NTAQ1: variants seen among roughly 807,000 people sequenced by gnomAD.
NTAQ1 encodes N-terminal glutamine amidase 1.
NTAQ1 carries 21 observed loss-of-function variants against 28.2 expected under a neutral mutation model. The ratio of observed to expected loss-of-function variants is 0.74; its 90% CI spans 0.53 to 1.07. The LOEUF (loss-of-function observed/expected upper bound fraction) is 1.07. NTAQ1 is among the 50% of genes least tolerant of loss of function. NTAQ1 has a pLI of 0.00. For synonymous variants in NTAQ1, 105 were observed against 90.0 expected, an observed-to-expected ratio of 1.17 and a Z score of -0.94; for missense variants, 264 against 256.6, an observed-to-expected ratio of 1.03 and a Z score of -0.20.
Position 123,464,083 on chromosome 8 carries a change from T to C in NTAQ1, c.373-2996T>C, listed in dbSNP as rs537250462. Among the ~76,000 whole-genome samples the C allele has an allele frequency of 3.9e-5, 6 of 152,316 alleles. No individual in the cohort carries two copies. In the East Asian group the frequency reaches 1.2e-3, roughly 29 times the overall value. On this transcript the variant is annotated intron_variant, in intron 6 of 6. Coordinates refer to the NTAQ1 transcript ENST00000650311. Reference sequence around the variant, plus strand: ...TTCCACCATGATTGTGAGGCCTCCCTAGCCATGTGGAACTGTGAATCCATT... The same window carrying C: ...TTCCACCATGATTGTGAGGCCTCCCCAGCCATGTGGAACTGTGAATCCATT...
chr8:123,458,584 T>A (rs1815722846), intron 6 of NTAQ1, among the ~76,000 whole-genome samples: 3 of 151,802 alleles, frequency 2.0e-5, no homozygotes, highest in African/African-American at 7.3e-5. Flanking sequence ...AAAACCTTTT[T>A]AGCAGATGTG....
At chr8:123,455,602 T>G (rs1415227650) in intron 6 of NTAQ1, among the ~76,000 whole-genome samples, 2 of 151,830 alleles carry the variant, frequency 1.3e-5, no homozygotes, top group Admixed American at 1.3e-4. Context: ...TTTTTGTAAT[T>G]TTAGTAGAAA....
chr8:123,463,088 CTT>C (rs1401098343), intron 6 of NTAQ1, among the ~76,000 whole-genome samples: 2 of 152,164 alleles, frequency 1.3e-5, no homozygotes, highest in Non-Finnish European at 2.9e-5. Flanking sequence ...GGGAAGAACA[CTT>C]TTTCTTTCTC....
intron 1 of NTAQ1, among the ~76,000 whole-genome samples, chr8:123,426,863 G>A (rs1478543205): frequency 6.6e-6 from 1 of 152,116 alleles, no homozygotes; most frequent in Non-Finnish European, 1.5e-5. Context: ...AGGAGGCTGA[G>A]GCATGACAAT....
At chr8:123,435,840 C>T (rs1245236569) in intron 3 of NTAQ1, among the ~76,000 whole-genome samples, 1 of 150,586 alleles carries the variant, frequency 6.6e-6, no homozygotes, top group Non-Finnish European at 1.5e-5. Flanking sequence ...GCACGCCAGC[C>T]TGGGTGATAG....
chr8:123,418,127 A>G (rs1030132938), intron 1 of NTAQ1, among the ~76,000 whole-genome samples: 2 of 152,116 alleles, frequency 1.3e-5, no homozygotes, highest in Non-Finnish European at 2.9e-5. Flanking sequence ...AAATTCCCTC[A>G]TGGATCCCTT....
chr8:123,437,259 G>T lies in NTAQ1; in HGVS notation c.433G>T (p.Asp145Tyr). The change falls in exon 5 of 6, where the codon GAC (aspartate) becomes TAC (tyrosine). Residue 145 changes from aspartate (D) to tyrosine (Y), a missense_variant. By Grantham distance (160) the Asp-to-Tyr change is radical (BLOSUM62 -3). Coordinates refer to ENST00000287387, the MANE Select transcript of NTAQ1 (RefSeq NM_018024.3). The part of the protein sequence containing the change: ...ADSYLKNFAS[D>Y]RSHMKDSSGN... ...TTCATATTTGAAGAACTTTGCTTCT[G>T]ACCGATCTCACATGAAAGACTCCAG... is the stretch of plus-strand genomic sequence containing the variant. 6.2e-7 allele frequency: 1 copy of T among 1,614,134 alleles called. No homozygotes were observed. Among genetic ancestry groups the T allele is most frequent in the Non-Finnish European group, 8.5e-7 (1 of 1,180,028 alleles).
downstream of NTAQ1, among the ~76,000 whole-genome samples, chr8:123,445,908 A>C (rs1815262106): frequency 6.6e-6 from 1 of 151,228 alleles, no homozygotes; most frequent in Non-Finnish European, 1.5e-5. Flanking sequence ...ACCCACCCCC[A>C]AGATGAATTT....
intron 6 of NTAQ1, among the ~76,000 whole-genome samples, chr8:123,458,646 G>T (rs543287662): frequency 6.6e-6 from 1 of 150,902 alleles, no homozygotes; most frequent in Admixed American, 6.6e-5. Flanking sequence ...TTTTGAATCG[G>T]AGTCTCGTTC....
chr8:123,454,895 G>A (rs1023765673), intron 6 of NTAQ1: 1 of 152,360 alleles, frequency 6.6e-6, no homozygotes, highest in African/African-American at 2.4e-5. Flanking sequence ...CAGAAGCAAT[G>A]TGGGTGTCTG....
intron 3 of NTAQ1, 79 bp downstream of exon 3, chr8:123,430,112 A>T: frequency 9.1e-7 from 1 of 1,101,936 alleles, no homozygotes; most frequent in Admixed American, 2.0e-5. Flanking sequence ...GGTAAAGCAG[A>T]AGTGACCTAA....
intron 1 of NTAQ1, among the ~76,000 whole-genome samples, chr8:123,419,739 C>T (rs980338888): frequency 2.1e-5 from 2 of 97,048 alleles, no homozygotes; most frequent in African/African-American, 7.4e-5. Flanking sequence ...CACAGCCCTC[C>T]CTCCCTCCCT....
chr8:123,419,175 T>C (rs2130120653), intron 1 of NTAQ1, among the ~76,000 whole-genome samples: 1 of 141,582 alleles, frequency 7.1e-6, no homozygotes, highest in Admixed American at 7.7e-5. Flanking sequence ...CTTGGCTCAC[T>C]GCAGCCTCCA....
chr8:123,442,950 G>A (rs567114429), downstream of NTAQ1, among the ~76,000 whole-genome samples: 7 of 152,182 alleles, frequency 4.6e-5, no homozygotes, highest in South Asian at 1.5e-3. Context: ...TTACAGGCAT[G>A]AGCCACCGCG....
chr8:123,425,099 AT>A (rs967637083), intron 1 of NTAQ1, among the ~76,000 whole-genome samples: 12 of 148,564 alleles, frequency 8.1e-5, no homozygotes, highest in East Asian at 2.0e-4. Context: ...AGTCAATAAA[AT>A]TTTTTTTTTT....
chr8:123,438,677 A>AG (rs1368778819), intron 5 of NTAQ1, among the ~76,000 whole-genome samples: 1 of 151,712 alleles, frequency 6.6e-6, no homozygotes, highest in African/African-American at 2.4e-5. Flanking sequence ...CATCTCAAAA[A>AG]AAAAAAAAGA....
chr8:123,454,558 C>T (rs999688457), intron 6 of NTAQ1, among the ~76,000 whole-genome samples: 1 of 152,024 alleles, frequency 6.6e-6, no homozygotes, highest in East Asian at 1.9e-4. Flanking sequence ...TTAGTAAAGA[C>T]GGGGTTTCTC....
intron 6 of NTAQ1, among the ~76,000 whole-genome samples, chr8:123,463,873 A>G (rs906690966): frequency 3.9e-5 from 6 of 152,116 alleles, no homozygotes; most frequent in Non-Finnish European, 7.4e-5. Context: ...AGCTGCCATA[A>G]TTCCTACTTG....
intron 1 of NTAQ1, among the ~76,000 whole-genome samples, chr8:123,423,660 G>T (rs1813864582): frequency 1.3e-5 from 2 of 151,974 alleles, no homozygotes; most frequent in African/African-American, 4.8e-5. Context: ...ACTTTCATGG[G>T]ATTCTCCTAC....
Sources: allele counts gnomAD v4.1 joint callset (sites outside exome capture counted in the v4.1 genomes callset), GRCh38; gene constraint gnomAD v4.1.1; transcripts MANE v1.5; gene names NCBI Gene and HGNC (gene_info 2026-07-23, HGNC 2026-07-21).